CRIM1: variants seen among roughly 807,000 people sequenced by gnomAD.
CRIM1 encodes the protein cysteine-rich motor neuron 1 protein.
Under a neutral mutation model 116.4 loss-of-function variants are expected in CRIM1, and 32 were observed. The observed-to-expected ratio is 0.27, with a 90% confidence interval of 0.21 to 0.37. CRIM1 has a LOEUF of 0.37. CRIM1 is among the 10% of genes least tolerant of loss of function. The pLI is 1.00. For synonymous variants in CRIM1, 590 were observed against 509.2 expected (o/e 1.16, Z -2.13); for missense variants, 1,331 against 1,354.8 (o/e 0.98, Z 0.28).
intron 4 of CRIM1, among the ~76,000 whole-genome samples, chr2:36,464,157 C>A (rs2125006930): frequency 6.6e-6 from 1 of 152,292 alleles, no homozygotes; most frequent in South Asian, 2.1e-4. Context: ...TCTGTATTAG[C>A]CTGTGCAAGC....
chr2:36,550,976 T>A lies in CRIM1; in HGVS notation c.*2275T>A, dbSNP rs952306724. ...TTTACTTTGGTTCCTGTTGTGCTCT[T>A]GTAAAAGAAAAATATAATTTCCTGA... is the stretch of plus-strand genomic sequence containing the variant. On this transcript the variant is annotated 3_prime_UTR_variant, in exon 17 of 17. Coordinates refer to ENST00000280527, the MANE Select transcript of CRIM1 (RefSeq NM_016441.3). 6.6e-6 allele frequency: 1 copy of A among 152,634 alleles called. No homozygotes were observed. Among genetic ancestry groups the A allele is most frequent in the Admixed American group, 6.5e-5 (1 of 15,284 alleles). The allele number at this position is 152,634 out of a possible 1,614,324, so 9.5% of individuals were successfully genotyped here.
chr2:36,503,790 C>G (rs1463983737), intron 8 of CRIM1, among the ~76,000 whole-genome samples: 1 of 152,018 alleles, frequency 6.6e-6, no homozygotes. Context: ...TTTTCTGCAT[C>G]CCATCAAAAC....
At chr2:36,532,137 C>A (rs1224287526) in intron 13 of CRIM1, 5 of 372,598 alleles carry the variant, frequency 1.3e-5, no homozygotes, top group South Asian at 2.1e-5. Flanking sequence ...GAAATAGTAA[C>A]CATCTTCTTT....
chr2:36,490,512 T>G (rs1680152567), intron 7 of CRIM1, among the ~76,000 whole-genome samples: 1 of 152,142 alleles, frequency 6.6e-6, no homozygotes, highest in Admixed American at 6.5e-5. Flanking sequence ...GTCAAAGTAC[T>G]TGATCATTGT....
At chr2:36,388,301 A>G (rs1011597199) in intron 1 of CRIM1, among the ~76,000 whole-genome samples, 1 of 152,208 alleles carries the variant, frequency 6.6e-6, no homozygotes, top group African/African-American at 2.4e-5. Flanking sequence ...TTACATTAAA[A>G]GACCTTTGGC....
At chr2:36,545,323 C>T (rs900562158) in intron 15 of CRIM1, among the ~76,000 whole-genome samples, 1 of 152,230 alleles carries the variant, frequency 6.6e-6, no homozygotes, top group East Asian at 1.9e-4. Context: ...GTTTTTGGCT[C>T]TCTGTATAAT....
rs549978438 is a variant in CRIM1 at position 36,521,783 on chromosome 2, T to C, written c.2207-309T>C. Among the ~76,000 whole-genome samples, 10 of 152,336 alleles carry C rather than the reference T, an allele frequency of 6.6e-5. No homozygotes were observed. The South Asian group carries it at 2.1e-3, about 32-fold the overall frequency. On this transcript the variant is annotated intron_variant, in intron 12 of 16. Coordinates refer to ENST00000280527, the MANE Select transcript of CRIM1 (RefSeq NM_016441.3). ...GAAAGCAGGGAACAGAATTGTCCCA[T>C]TTACTTACATGCATTGTAATCCAAG...
intron 7 of CRIM1, among the ~76,000 whole-genome samples, chr2:36,488,790 C>T (rs1680018358): frequency 6.6e-6 from 1 of 152,152 alleles, no homozygotes; most frequent in Non-Finnish European, 1.5e-5. Context: ...TAAAAAGATG[C>T]AGTCCCAGGC....
At chr2:36,406,262 C>T (rs986052654) in intron 2 of CRIM1, among the ~76,000 whole-genome samples, 1 of 152,034 alleles carries the variant, frequency 6.6e-6, no homozygotes, top group African/African-American at 2.4e-5. Context: ...GTAATTGTTC[C>T]ATTGGAGGGA....
Position 36,441,109 on chromosome 2 carries a change from A to G in CRIM1, c.506-149A>G, listed in dbSNP as rs150852612. On this transcript the variant is annotated intron_variant, in intron 2 of 16. Coordinates refer to ENST00000280527, the MANE Select transcript of CRIM1 (RefSeq NM_016441.3). ...GATCTTGGGTGAGGTTTTCATTGTT[A>G]GTTAAACTAAGTTTGAAGGTTTACA... 4.8e-6 allele frequency: 5 copies of G among 1,045,946 alleles called. No homozygotes were observed. In the East Asian group the frequency reaches 1.3e-4, roughly 26 times the overall value. 64.8% of individuals were successfully genotyped at this position (1,045,946 alleles called of 1,614,324 possible).
At chr2:36,456,863 G>C (rs531089527) in intron 4 of CRIM1, among the ~76,000 whole-genome samples, 44 of 151,582 alleles carry the variant, frequency 2.9e-4, no homozygotes, top group African/African-American at 1.1e-3. Context: ...CGTCAAGGTA[G>C]TAATTTGTGA....
At position 36,459,939 on chromosome 2, in the gene CRIM1, G is replaced by A. The variant is rs190036173; in HGVS notation, c.870-4595G>A. 2.6e-5 allele frequency among the ~76,000 whole-genome samples: 4 copies of A among 152,314 alleles called. No individual in the cohort carries two copies. In the East Asian group the frequency reaches 7.7e-4, roughly 29 times the overall value. On this transcript the variant is annotated intron_variant, in intron 4 of 16. Coordinates refer to ENST00000280527, the MANE Select transcript of CRIM1 (RefSeq NM_016441.3). ...GCCTGGGATTGTCTGTGAAGTCCAG[G>A]AAGCAAAGGACATGAAGGGAAAGCT... is the stretch of plus-strand genomic sequence containing the variant.
At chr2:36,382,203 A>G (rs762480723) in intron 1 of CRIM1, among the ~76,000 whole-genome samples, 1 of 152,242 alleles carries the variant, frequency 6.6e-6, no homozygotes, top group Non-Finnish European at 1.5e-5. Context: ...CTAGCAGATC[A>G]TGCTGTTTCC....
chr2:36,545,883 A>T (rs1667287322), intron 15 of CRIM1, among the ~76,000 whole-genome samples: 1 of 152,162 alleles, frequency 6.6e-6, no homozygotes, highest in Non-Finnish European at 1.5e-5. Context: ...CATCAATAAA[A>T]TGTTACTCTT....
chr2:36,483,366 C>A (rs1679568590), intron 7 of CRIM1, among the ~76,000 whole-genome samples: 1 of 152,174 alleles, frequency 6.6e-6, no homozygotes, highest in African/African-American at 2.4e-5. Context: ...ATTTGTAACC[C>A]TTAATGACAG....
chr2:36,409,516 C>T lies in CRIM1; in HGVS notation c.505+12729C>T, dbSNP rs1379995549. Among the ~76,000 whole-genome samples the T allele has an allele frequency of 2.0e-5, 3 of 152,288 alleles. No homozygotes were observed. The East Asian group carries it at 5.8e-4, about 29-fold the overall frequency. On this transcript the variant is annotated intron_variant, in intron 2 of 16. Transcript: ENST00000280527. ...GGATTGTCCTGGGGCTGGCCCATTG[C>T]ATAGGGGCATTTGAGATGAATATGG...
chr2:36,470,639 A>G (rs1303366613), intron 5 of CRIM1, among the ~76,000 whole-genome samples: 5 of 152,212 alleles, frequency 3.3e-5, no homozygotes, highest in Non-Finnish European at 7.3e-5. Flanking sequence ...GATTTCTTCC[A>G]AAATATTACT....
At chr2:36,371,319 T>C (rs1289905547) in intron 1 of CRIM1, among the ~76,000 whole-genome samples, 1 of 152,222 alleles carries the variant, frequency 6.6e-6, no homozygotes, top group Non-Finnish European at 1.5e-5. Flanking sequence ...GCACTTTTCA[T>C]ACTGTGTTAG....
chr2:36,443,259 A>G (rs1675999150), intron 4 of CRIM1, among the ~76,000 whole-genome samples: 1 of 152,200 alleles, frequency 6.6e-6, no homozygotes, highest in Non-Finnish European at 1.5e-5. Flanking sequence ...ACTGCGGGGA[A>G]GAGCCACTGT....
Sources: allele counts gnomAD v4.1 joint callset (sites outside exome capture counted in the v4.1 genomes callset), GRCh38; gene constraint gnomAD v4.1.1; transcripts MANE v1.5; gene names NCBI Gene and HGNC (gene_info 2026-07-23, HGNC 2026-07-21).